Variants in UBE2G2 observed in about 807,000 individuals in gnomAD.
UBE2G2 encodes ubiquitin-conjugating enzyme E2 G2.
A neutral mutation model predicts 23.0 loss-of-function variants in UBE2G2; 10 were observed. That is an observed-to-expected ratio of 0.43 (90% CI 0.27 to 0.74). UBE2G2 has a LOEUF of 0.74. UBE2G2 is among the 30% of genes least tolerant of loss of function. The pLI is 0.19. For synonymous variants in UBE2G2, 86 were observed against 81.3 expected (o/e 1.06, Z -0.31); for missense variants, 150 against 218.3 (o/e 0.69, Z 1.97).
intron 1 of UBE2G2, among the ~76,000 whole-genome samples, chr21:44,794,540 T>A (rs1601197097): frequency 6.7e-6 from 1 of 150,348 alleles, no homozygotes; most frequent in African/African-American, 2.4e-5. Flanking sequence ...TTTTTTTGTT[T>A]TTTTTTTTTT....
At position 44,773,531 on chromosome 21, in the gene UBE2G2, G is replaced by GAGGCTCGGGCCTTACCTGCCAGC. The variant is rs1569292608; in HGVS notation, c.378_385+15dup. The stretch of plus-strand genomic sequence containing the variant: ...GGGTGTCCACGGCAGCTCCTGCCAG[G>GAGGCTCGGGCCTTACCTGCCAGC]AGGCTCGGGCCTTACCTGCCAGCAT... On this transcript the variant is annotated intron_variant, in intron 5 of 5. Coordinates refer to ENST00000345496, the MANE Select transcript of UBE2G2 (RefSeq NM_003343.6). The GAGGCTCGGGCCTTACCTGCCAGC allele has an allele frequency of 3.7e-6, 6 of 1,603,654 alleles. No individual in the cohort carries two copies. Among genetic ancestry groups the GAGGCTCGGGCCTTACCTGCCAGC allele is most frequent in the African/African-American group, 2.7e-5 (2 of 74,862 alleles).
intron 1 of UBE2G2, among the ~76,000 whole-genome samples, chr21:44,798,683 T>A (rs547253515): frequency 6.6e-6 from 1 of 152,348 alleles, no homozygotes; most frequent in African/African-American, 2.4e-5. Flanking sequence ...AGGCTCCACC[T>A]CTAATTCCAG....
intron 1 of UBE2G2, 63 bp from the exon 2 acceptor site, chr21:44,788,158 A>G (rs1173678826): frequency 4.2e-5 from 61 of 1,452,276 alleles, no homozygotes; most frequent in Non-Finnish European, 4.7e-5. Flanking sequence ...CATTTTAACA[A>G]AACACCTTTA....
intron 1 of UBE2G2, among the ~76,000 whole-genome samples, chr21:44,791,777 T>C (rs1344233193): frequency 6.6e-6 from 1 of 152,066 alleles, no homozygotes; most frequent in Admixed American, 6.5e-5. Context: ...CCCAGAACGG[T>C]AGATCCACCA....
intron 1 of UBE2G2, among the ~76,000 whole-genome samples, chr21:44,794,724 G>A (rs1008749181): frequency 6.6e-6 from 1 of 151,836 alleles, no homozygotes; most frequent in Non-Finnish European, 1.5e-5. Context: ...TTAGTAGAGA[G>A]GGGGTTTCAC....
chr21:44,794,294 CATTTACAAATA>C (rs2083068142), intron 1 of UBE2G2, among the ~76,000 whole-genome samples: 1 of 152,178 alleles, frequency 6.6e-6, no homozygotes, highest in Non-Finnish European at 1.5e-5. Flanking sequence ...ACTGCACTGC[CATTTACAAATA>C]ATTTACAAAT....
At chr21:44,777,042 C>T (rs781761867) in intron 4 of UBE2G2, 104 of 392,540 alleles carry the variant, frequency 2.6e-4, no homozygotes, top group Non-Finnish European at 4.0e-4. Context: ...ACTTCCTCCC[C>T]AGTGAAGTAG....
chr21:44,801,582 G>A, intron 1 of UBE2G2, 124 bp downstream of exon 1: 1 of 1,309,476 alleles, frequency 7.6e-7, no homozygotes, highest in Non-Finnish European at 9.9e-7. Context: ...CCCACAGGGG[G>A]GCTCACGGTG....
At chr21:44,799,043 A>G (rs2083115187) in intron 1 of UBE2G2, among the ~76,000 whole-genome samples, 1 of 152,196 alleles carries the variant, frequency 6.6e-6, no homozygotes, top group Admixed American at 6.5e-5. Flanking sequence ...TTGAGTGACC[A>G]GGTGCACTGT....
chr21:44,793,509 T>C (rs1555963241), intron 1 of UBE2G2, among the ~76,000 whole-genome samples: 1 of 152,208 alleles, frequency 6.6e-6, no homozygotes, highest in Non-Finnish European at 1.5e-5. Context: ...CCTCTACTGG[T>C]CAATAAAGAA....
intron 1 of UBE2G2, among the ~76,000 whole-genome samples, chr21:44,795,192 G>C (rs1601197784): frequency 6.6e-6 from 1 of 152,212 alleles, no homozygotes; most frequent in African/African-American, 2.4e-5. Flanking sequence ...GAAGCCAGGA[G>C]GCAGATGTTG....
In UBE2G2 at chr21:44,801,693, T is replaced by G; in HGVS notation, c.43+13A>C. ...CGCGGGACGCTGCTGACGGCCCGGG[T>G]CCCCAGACTCACGTTTGTACTCGGC... On this transcript the variant is annotated intron_variant, in intron 1 of 5. Transcript: ENST00000345496. 6.6e-7 allele frequency: 1 copy of G among 1,512,372 alleles called. No individual in the cohort carries two copies. Among genetic ancestry groups the G allele is most frequent in the Non-Finnish European group, 8.8e-7 (1 of 1,132,332 alleles). The allele number at this position is 1,512,372 out of a possible 1,614,324, so 93.7% of individuals were successfully genotyped here.
chr21:44,794,396 A>G (rs2083069176), intron 1 of UBE2G2, among the ~76,000 whole-genome samples: 6 of 152,236 alleles, frequency 3.9e-5, no homozygotes, highest in Admixed American at 3.9e-4. Context: ...AAACTATAAA[A>G]CATCTAGAAG....
intron 4 of UBE2G2, chr21:44,774,470 T>C (rs988869178): frequency 4.1e-6 from 1 of 244,766 alleles, no homozygotes; most frequent in African/African-American, 2.3e-5. Flanking sequence ...GTTATAATAA[T>C]AGAAATAGCA....
chr21:44,792,067 G>C (rs1203990507), intron 1 of UBE2G2, among the ~76,000 whole-genome samples: 1 of 152,206 alleles, frequency 6.6e-6, no homozygotes, highest in Non-Finnish European at 1.5e-5. Context: ...TCTTCCATTG[G>C]TAATGGGAGT....
In UBE2G2 at chr21:44,771,362, GT is replaced by G. The variant is rs782679522; in HGVS notation, c.*14del. 1.9e-6 allele frequency: 3 copies of G among 1,609,886 alleles called. No homozygotes were observed. Among genetic ancestry groups the G allele is most frequent in the Non-Finnish European group, 2.5e-6 (3 of 1,178,198 alleles). On this transcript the variant is annotated 3_prime_UTR_variant, in exon 6 of 6. Transcript: ENST00000345496. This position sits in a 1 kb window ranked among gnomAD's most constrained non-coding sequence, Gnocchi z 4.6. ...GCTGCTTGGCGGTGTGTGCGCGCCT[GT>G]GCGAGGCCAGGTCTCACAGTCCCAG...
intron 1 of UBE2G2, among the ~76,000 whole-genome samples, chr21:44,793,442 C>T (rs1569300696): frequency 6.6e-6 from 1 of 152,208 alleles, no homozygotes; most frequent in Non-Finnish European, 1.5e-5. Context: ...AGGCTCAGCA[C>T]AGAGACCTGC....
chr21:44,798,189 A>C (rs1223200875), intron 1 of UBE2G2, among the ~76,000 whole-genome samples: 1 of 152,226 alleles, frequency 6.6e-6, no homozygotes, highest in Non-Finnish European at 1.5e-5. Flanking sequence ...ATTATTTGCC[A>C]AAATATGCTT....
rs1569290115 is a variant in UBE2G2, at chr21:44,769,244, G to A, written c.*2133C>T. 1 of 152,224 alleles carries A rather than the reference G, an allele frequency of 6.6e-6. No individual in the cohort carries two copies. The highest frequency in any genetic ancestry group is 2.4e-5 in the African/African-American group (1 of 41,452). 9.4% of individuals were successfully genotyped at this position (152,224 alleles called of 1,614,324 possible). A position where few individuals can be genotyped will look rare whatever the true frequency, so the allele number is the denominator to read the frequency against. The stretch of plus-strand genomic sequence containing the variant: ...TGCCCCTCCAGGGCCTGCACCCACA[G>A]ACCCCGTCTACTTGCACAAATGACT... On this transcript the variant is annotated 3_prime_UTR_variant, in exon 6 of 6. Transcript: ENST00000345496.
Sources: allele counts gnomAD v4.1 joint callset (sites outside exome capture counted in the v4.1 genomes callset), GRCh38; gene constraint gnomAD v4.1.1; non-coding constraint Gnocchi (gnomAD v3.1); transcripts MANE v1.5; gene names NCBI Gene and HGNC (gene_info 2026-07-23, HGNC 2026-07-21).